The following PTBP2 variants were observed in gnomAD, a reference collection of about 807,000 sequenced individuals.
PTBP2 encodes polypyrimidine tract-binding protein 2.
Under a neutral mutation model 61.4 loss-of-function variants are expected in PTBP2, and 13 were observed. That is an observed-to-expected ratio of 0.21 (90% CI 0.14 to 0.34). The LOEUF is 0.34. PTBP2 is among the 10% of genes least tolerant of loss of function. The probability of loss-of-function intolerance (pLI) is 1.00; values close to 1 mark genes in which losing one functional copy is unlikely to be tolerated. For missense variants in PTBP2, 405 were observed against 642.6 expected, an observed-to-expected ratio of 0.63 and a Z score of 4.00; for synonymous variants, 215 against 218.5, an observed-to-expected ratio of 0.98 and a Z score of 0.14.
intron 8 of PTBP2, among the ~76,000 whole-genome samples, chr1:96,790,331 T>C (rs1011395170): frequency 1.3e-5 from 2 of 152,012 alleles, no homozygotes; most frequent in African/African-American, 4.8e-5. Context: ...ACATCTAATA[T>C]CTGGTTGCCC....
At chr1:96,755,037 C>T (rs1013605501) in intron 3 of PTBP2, among the ~76,000 whole-genome samples, 4 of 152,010 alleles carry the variant, frequency 2.6e-5, no homozygotes, top group Non-Finnish European at 4.4e-5. Flanking sequence ...AAAGAAACTG[C>T]TAGGGAATGA....
At chr1:96,727,265 T>C (rs999808483) in intron 2 of PTBP2, among the ~76,000 whole-genome samples, 6 of 152,272 alleles carry the variant, frequency 3.9e-5, no homozygotes, top group African/African-American at 9.6e-5. Context: ...TAGTACACTT[T>C]ATGGCTATAC....
At chr1:96,764,994 A>G (rs929562305) in intron 3 of PTBP2, among the ~76,000 whole-genome samples, 5 of 152,362 alleles carry the variant, frequency 3.3e-5, no homozygotes, top group Non-Finnish European at 7.3e-5. Context: ...TTGCAGAAAC[A>G]GCCAACAGAA....
At chr1:96,773,520 C>T (rs1301167652) in intron 5 of PTBP2, among the ~76,000 whole-genome samples, 2 of 152,064 alleles carry the variant, frequency 1.3e-5, no homozygotes, top group East Asian at 1.9e-4. Flanking sequence ...TTCATCCCCC[C>T]TTTGTTGTCT....
intron 2 of PTBP2, among the ~76,000 whole-genome samples, chr1:96,734,851 C>T (rs1360787905): frequency 2.0e-5 from 3 of 150,238 alleles, no homozygotes; most frequent in Admixed American, 2.0e-4. Context: ...TTATACTTTA[C>T]CTTGTTTGTG....
At chr1:96,748,636 A>G (rs541944537) in intron 2 of PTBP2, among the ~76,000 whole-genome samples, 1 of 152,306 alleles carries the variant, frequency 6.6e-6, no homozygotes, top group Non-Finnish European at 1.5e-5. Flanking sequence ...TCTAAAATTG[A>G]TATCATTCTT....
rs975298864 is a variant in PTBP2 at position 96,776,503 on chromosome 1, A to G, written c.433-1082A>G. On this transcript the variant is annotated intron_variant, in intron 5 of 13. Transcript: ENST00000674951. Reference sequence around the variant, plus strand: ...CTCAAGCCGTGTGATCTGTGGTTATATAATATTTTAGTAAAATGACTTTTC... The same window carrying G: ...CTCAAGCCGTGTGATCTGTGGTTATGTAATATTTTAGTAAAATGACTTTTC... Among the ~76,000 whole-genome samples, 7 of 151,946 alleles carry G rather than the reference A, an allele frequency of 4.6e-5. No homozygotes were observed. In the East Asian group the frequency reaches 7.7e-4, roughly 17 times the overall value.
At chr1:96,817,533 C>T (rs2101305247), downstream of PTBP2, 1 of 152,152 alleles carries the variant, frequency 6.6e-6, no homozygotes, top group South Asian at 2.1e-4. Flanking sequence ...AGATTATTCA[C>T]ATTAAGAACT....
chr1:96,822,269 G>T (rs35696197), exon 14 of PTBP2: 26,892 of 152,202 alleles, frequency 0.18, 3,175 homozygotes, highest in Non-Finnish European at 0.26. Flanking sequence ...TATTACCTGG[G>T]TTGGAGGTAA....
At chr1:96,800,267 G>C (rs1484717429) in intron 8 of PTBP2, among the ~76,000 whole-genome samples, 1 of 151,974 alleles carries the variant, frequency 6.6e-6, no homozygotes, top group East Asian at 1.9e-4. Context: ...TTTTTGGTAA[G>C]ATTTTTATTA....
intron 3 of PTBP2, among the ~76,000 whole-genome samples, chr1:96,768,101 A>G (rs976871010): frequency 6.6e-6 from 1 of 152,086 alleles, no homozygotes; most frequent in African/African-American, 2.4e-5. Flanking sequence ...CATTACTACT[A>G]TCAATCTTCC....
chr1:96,812,507 A>G (rs866829934), intron 11 of PTBP2, among the ~76,000 whole-genome samples: 5 of 152,306 alleles, frequency 3.3e-5, no homozygotes, highest in Middle Eastern at 3.4e-3. Context: ...TTTTCATTCT[A>G]TGAAAGTAGC....
chr1:96,725,853 G>T (rs1324992743), intron 2 of PTBP2, among the ~76,000 whole-genome samples: 1 of 151,704 alleles, frequency 6.6e-6, no homozygotes, highest in African/African-American at 2.4e-5. Flanking sequence ...GCCGAGGCGG[G>T]CGGATCACGA....
chr1:96,730,252 G>T (rs1651215018), intron 2 of PTBP2, among the ~76,000 whole-genome samples: 1 of 151,902 alleles, frequency 6.6e-6, no homozygotes, highest in African/African-American at 2.4e-5. Context: ...GTTTTGCTTT[G>T]TGGTTAGTTT....
At chr1:96,776,118 A>C (rs1011625744) in intron 5 of PTBP2, among the ~76,000 whole-genome samples, 1 of 151,972 alleles carries the variant, frequency 6.6e-6, no homozygotes, top group African/African-American at 2.4e-5. Context: ...ATGGATTCCT[A>C]TTTTAGAAAA....
At chr1:96,771,697 T>G (rs1657399402) in intron 5 of PTBP2, among the ~76,000 whole-genome samples, 1 of 152,154 alleles carries the variant, frequency 6.6e-6, no homozygotes, top group Non-Finnish European at 1.5e-5. Flanking sequence ...AAATATCTGC[T>G]CTTCTTTCTT....
At chr1:96,777,791 A>G (rs761232916) in intron 6 of PTBP2, 42 bp downstream of exon 6, 5 of 1,533,346 alleles carry the variant, frequency 3.3e-6, no homozygotes, top group Non-Finnish European at 4.4e-6. Flanking sequence ...TAGAGAAATA[A>G]TAATATAGTA....
At chr1:96,809,390 A>G (rs1235531717) in intron 11 of PTBP2, among the ~76,000 whole-genome samples, 1 of 152,216 alleles carries the variant, frequency 6.6e-6, no homozygotes, top group African/African-American at 2.4e-5. Flanking sequence ...AATTTCAAAG[A>G]GTATCATACA....
At chr1:96,802,494 A>AT (rs897036881) in intron 8 of PTBP2, among the ~76,000 whole-genome samples, 2 of 152,164 alleles carry the variant, frequency 1.3e-5, no homozygotes, top group African/African-American at 4.8e-5. Flanking sequence ...CTCAGTTAAG[A>AT]TTTTTTGGCT....
Sources: gnomAD v4.1 joint callset for allele counts (sites outside exome capture counted in the v4.1 genomes callset) on GRCh38, gnomAD v4.1.1 for gene constraint, MANE v1.5 for transcripts, NCBI Gene and HGNC (gene_info 2026-07-23, HGNC 2026-07-21) for gene names.